The following ALDH1A2 variants were observed in gnomAD, a reference collection of about 807,000 sequenced individuals.
ALDH1A2 encodes the protein aldehyde dehydrogenase 1 family member A2.
Under a neutral mutation model 60.3 loss-of-function variants are expected in ALDH1A2, and 27 were observed. That is an observed-to-expected ratio of 0.45 (90% confidence interval 0.33 to 0.62). The LOEUF is 0.62. Among genes scored for constraint, ALDH1A2 ranks in the 20% least tolerant of loss-of-function variants. The pLI is 0.02. For synonymous variants in ALDH1A2, 289 were observed against 232.4 expected, an observed-to-expected ratio of 1.24 and a Z score of -2.21; for missense variants, 581 against 643.8, an observed-to-expected ratio of 0.90 and a Z score of 1.06.
At chr15:58,062,577 C>T (rs1332273538) in intron 1 of ALDH1A2, among the ~76,000 whole-genome samples, 1 of 152,182 alleles carries the variant, frequency 6.6e-6, no homozygotes, top group Non-Finnish European at 1.5e-5. Context: ...TCGCTCAAGG[C>T]AATCAGAATG....
intron 1 of ALDH1A2, among the ~76,000 whole-genome samples, chr15:58,035,087 G>C (rs1279562464): frequency 1.3e-5 from 2 of 151,596 alleles, no homozygotes; most frequent in Non-Finnish European, 3.0e-5. Context: ...TCTGGACTTA[G>C]TGCTTTCTTT....
chr15:58,039,175 C>T (rs982138489), intron 1 of ALDH1A2, among the ~76,000 whole-genome samples: 1 of 151,762 alleles, frequency 6.6e-6, no homozygotes, highest in African/African-American at 2.4e-5. Flanking sequence ...ATTATGGCCA[C>T]TTCATAAAAC....
chr15:58,063,685 C>G (rs1197888837), intron 1 of ALDH1A2, among the ~76,000 whole-genome samples: 1 of 152,098 alleles, frequency 6.6e-6, no homozygotes, highest in Non-Finnish European at 1.5e-5. Flanking sequence ...AAAGAGCTCG[C>G]CTTTAGATTA....
intron 7 of ALDH1A2, among the ~76,000 whole-genome samples, chr15:57,992,086 C>T (rs1277876364): frequency 1.3e-5 from 2 of 152,136 alleles, no homozygotes; most frequent in Non-Finnish European, 2.9e-5. Flanking sequence ...GTAATCCATA[C>T]AAATTATGTA....
At chr15:58,011,376 T>C (rs1223386499) in intron 3 of ALDH1A2, among the ~76,000 whole-genome samples, 3 of 152,214 alleles carry the variant, frequency 2.0e-5, no homozygotes, top group Non-Finnish European at 4.4e-5. Flanking sequence ...AAGAGTGAAA[T>C]ATCTGCTCCA....
intron 4 of ALDH1A2, among the ~76,000 whole-genome samples, chr15:57,995,385 AC>A (rs1895022958): frequency 6.6e-6 from 1 of 152,116 alleles, no homozygotes; most frequent in African/African-American, 2.4e-5. Context: ...AAAATGAATG[AC>A]AAATTTATGA....
At chr15:58,058,187 T>C in intron 1 of ALDH1A2, 1 of 870,454 alleles carries the variant, frequency 1.1e-6, no homozygotes, top group Non-Finnish European at 1.8e-6. Flanking sequence ...GGCAAAGCCT[T>C]CCCCTCCTCC....
At chr15:58,010,206 A>G (rs1211931961) in intron 4 of ALDH1A2, among the ~76,000 whole-genome samples, 1 of 152,148 alleles carries the variant, frequency 6.6e-6, no homozygotes, top group Non-Finnish European at 1.5e-5. Context: ...ATCAGCCATA[A>G]TCTCACCACT....
rs765478305 is a variant in ALDH1A2 at position 57,993,009 on chromosome 15, A to T, written c.620T>A (p.Val207Glu). 1 of 1,613,770 alleles carries T rather than the reference A, an allele frequency of 6.2e-7. No homozygotes were observed. Among genetic ancestry groups the T allele is most frequent in the Non-Finnish European group, 8.5e-7 (1 of 1,179,966 alleles). Residue 207 changes from valine (V) to glutamate (E), a missense_variant, in exon 6 of 13, where the codon GTA becomes GAA. By Grantham distance (121) the Val-to-Glu change is moderately radical (BLOSUM62 -2). Coordinates refer to ENST00000249750, the MANE Select transcript of ALDH1A2 (RefSeq NM_003888.4). ...IAPALCCGNTVVIKPAEQTPL... is the reference protein window; with the variant it reads ...IAPALCCGNTEVIKPAEQTPL... ...TGTTTGCTCTGCTGGCTTAATAACTACTGTATTGCCACAGCACAAAGCTGG... is the reference window on the plus strand; with the variant it reads ...TGTTTGCTCTGCTGGCTTAATAACTTCTGTATTGCCACAGCACAAAGCTGG...
chr15:58,038,153 T>C (rs540170449), intron 1 of ALDH1A2, among the ~76,000 whole-genome samples: 26 of 151,734 alleles, frequency 1.7e-4, no homozygotes, highest in African/African-American at 5.8e-4. Context: ...TCCCTTCCTT[T>C]CTTATCTCTT....
At position 57,984,404 on chromosome 15, in the gene ALDH1A2, T is replaced by G. The variant is rs140684816; in HGVS notation, c.798+8301A>C. Among the ~76,000 whole-genome samples, 356 of 152,330 alleles carry G rather than the reference T, an allele frequency of 2.3e-3. 4 individuals are homozygous for G. Among genetic ancestry groups the G allele is most frequent in the East Asian group, 0.013 (68 of 5,182 alleles). ...ACTCATATACCATAAAATCCACTCT[T>G]TTGATGTGTACAATTCAGTGGATTT... On this transcript the variant is annotated intron_variant, in intron 7 of 12. Transcript: ENST00000249750.
At chr15:57,996,015 C>G (rs866343391) in intron 4 of ALDH1A2, among the ~76,000 whole-genome samples, 2 of 152,054 alleles carry the variant, frequency 1.3e-5, no homozygotes, top group African/African-American at 2.4e-5. Context: ...ATTTTTCCCT[C>G]CACTGCCGGC....
At position 58,063,553 on chromosome 15, in the gene ALDH1A2, T is replaced by TA. The variant is rs4646553; in HGVS notation, c.117+1980dup. ...AAGAGCAGCTTCTGCTCTTCACGTTTAAAAAAAAAATACTGCTTGTCCACT... is the reference window on the plus strand; with the variant it reads ...AAGAGCAGCTTCTGCTCTTCACGTTTAAAAAAAAAAATACTGCTTGTCCACT... On this transcript the variant is annotated intron_variant, in intron 1 of 12. Coordinates refer to ENST00000249750, the MANE Select transcript of ALDH1A2 (RefSeq NM_003888.4). Among the ~76,000 whole-genome samples the TA allele has an allele frequency of 1.2e-3, 179 of 150,046 alleles. 1 individual carries two copies. Among genetic ancestry groups the TA allele is most frequent in the East Asian group, 1.2e-3 (6 of 5,138 alleles).
intron 1 of ALDH1A2, among the ~76,000 whole-genome samples, chr15:58,051,145 T>C (rs1896769227): frequency 6.6e-6 from 1 of 152,152 alleles, no homozygotes; most frequent in South Asian, 2.1e-4. Context: ...AATAATCGTA[T>C]TTAAAGAATT....
chr15:57,990,200 T>C (rs1894847235), intron 7 of ALDH1A2: 2 of 152,200 alleles, frequency 1.3e-5, no homozygotes, highest in Non-Finnish European at 2.9e-5. Flanking sequence ...ATGAAACCAA[T>C]ACTCTAAGGC....
intron 12 of ALDH1A2, among the ~76,000 whole-genome samples, chr15:57,957,172 A>G (rs1211548566): frequency 6.6e-6 from 1 of 152,186 alleles, no homozygotes; most frequent in Non-Finnish European, 1.5e-5. Flanking sequence ...GGTCAGAGAC[A>G]GGAGTGCCCA....
intron 4 of ALDH1A2, among the ~76,000 whole-genome samples, chr15:58,002,744 GTGAA>G (rs1402934021): frequency 1.3e-5 from 2 of 151,866 alleles, no homozygotes; most frequent in African/African-American, 4.8e-5. Context: ...ACACAATTCA[GTGAA>G]TGAAGGTCAT....
At chr15:57,957,347 ATTCAGT>A in intron 12 of ALDH1A2, among the ~76,000 whole-genome samples, 1 of 152,138 alleles carries the variant, frequency 6.6e-6, no homozygotes, top group East Asian at 1.9e-4. Flanking sequence ...CCCCACAAAG[ATTCAGT>A]TTCAGAAGCT....
At chr15:57,959,989 C>T (rs1893667779) in intron 12 of ALDH1A2, among the ~76,000 whole-genome samples, 1 of 152,094 alleles carries the variant, frequency 6.6e-6, no homozygotes, top group African/African-American at 2.4e-5. Context: ...AAATATATTC[C>T]CCCTTCTCTA....
Sources: allele counts gnomAD v4.1 joint callset (sites outside exome capture counted in the v4.1 genomes callset), GRCh38; gene constraint gnomAD v4.1.1; transcripts MANE v1.5; gene names NCBI Gene and HGNC (gene_info 2026-07-23, HGNC 2026-07-21).